DYNC2I1: variants seen among roughly 807,000 people sequenced by gnomAD.
The protein encoded by DYNC2I1 is dynein 2 intermediate chain 1.
DYNC2I1 carries 89 observed loss-of-function variants against 133.4 expected under a neutral mutation model. The ratio of observed to expected loss-of-function variants is 0.67; its 90% confidence interval spans 0.56 to 0.80. The LOEUF is 0.80. DYNC2I1 is among the 30% of genes least tolerant of loss of function. The pLI, the probability that DYNC2I1 is intolerant of heterozygous loss-of-function variation, is 0.00. For synonymous variants in DYNC2I1, 504 were observed against 484.3 expected (o/e 1.04, Z -0.54); for missense variants, 1,291 against 1,314.5 (o/e 0.98, Z 0.28).
intron 10 of DYNC2I1, chr7:158,905,411 G>A: frequency 4.4e-6 from 1 of 229,182 alleles, no homozygotes; most frequent in Non-Finnish European, 8.7e-6. Context: ...AGAGGGCTGG[G>A]ATTACAGGCA....
chr7:158,877,253 C>T (rs182476205), intron 4 of DYNC2I1, among the ~76,000 whole-genome samples: 10 of 150,614 alleles, frequency 6.6e-5, no homozygotes, highest in Admixed American at 1.3e-4. Context: ...TGGTGTTCCG[C>T]GGCGCGGGTG....
intron 24 of DYNC2I1, among the ~76,000 whole-genome samples, chr7:158,943,241 A>T (rs913667346): frequency 6.6e-6 from 1 of 152,234 alleles, no homozygotes; most frequent in East Asian, 1.9e-4. Context: ...TGTGATTTGC[A>T]GATAACCACA....
intron 1 of DYNC2I1, among the ~76,000 whole-genome samples, chr7:158,859,829 G>A (rs1841714527): frequency 1.3e-5 from 2 of 152,112 alleles, no homozygotes; most frequent in Non-Finnish European, 2.9e-5. Context: ...AGATCTCAGA[G>A]CTGGATATTT....
At chr7:158,881,766 C>T (rs754909910) in intron 5 of DYNC2I1, among the ~76,000 whole-genome samples, 1 of 152,032 alleles carries the variant, frequency 6.6e-6, no homozygotes, top group African/African-American at 2.4e-5. Flanking sequence ...TTTTTTGTTT[C>T]TAAATCTCTT....
intron 14 of DYNC2I1, among the ~76,000 whole-genome samples, chr7:158,915,423 C>G (rs1477900779): frequency 1.7e-4 from 18 of 108,506 alleles, no homozygotes; most frequent in South Asian, 2.6e-4. Context: ...TGTGAAACGT[C>G]GACACGCTGG....
At chr7:158,919,002 T>C (rs926423200) in intron 15 of DYNC2I1, 133 bp downstream of exon 15, 5 of 1,072,632 alleles carry the variant, frequency 4.7e-6, no homozygotes, top group Non-Finnish European at 6.3e-6. Context: ...AGACTGAGTT[T>C]CTGCAGAATT....
chr7:158,906,568 T>C (rs1846838697), intron 11 of DYNC2I1, among the ~76,000 whole-genome samples: 1 of 152,128 alleles, frequency 6.6e-6, no homozygotes, highest in Non-Finnish European at 1.5e-5. Flanking sequence ...AAGTGATTCT[T>C]CTGTCTCAGT....
chr7:158,848,646 C>T, the DYNC2I1 span, among the ~76,000 whole-genome samples: 63,630 of 151,606 alleles, frequency 0.42, 14,051 homozygotes, highest in East Asian at 0.65. Flanking sequence ...TGGACCAGGC[C>T]GGGCGCGGTG....
intron 14 of DYNC2I1, 45 bp from the exon 15 acceptor site, chr7:158,918,695 C>G (rs953081981): frequency 1.7e-5 from 27 of 1,594,558 alleles, no homozygotes; most frequent in Non-Finnish European, 2.3e-5. Flanking sequence ...AAAAGATAAT[C>G]CATTGTGAAG....
chr7:158,891,668 G>A (rs1226167471), intron 8 of DYNC2I1, among the ~76,000 whole-genome samples: 1 of 152,196 alleles, frequency 6.6e-6, no homozygotes, highest in Non-Finnish European at 1.5e-5. Context: ...TGAATGAACA[G>A]ACAGCCTTCC....
chr7:158,949,696 G>C (rs966200014), downstream of DYNC2I1, among the ~76,000 whole-genome samples: 3 of 152,362 alleles, frequency 2.0e-5, no homozygotes, highest in Middle Eastern at 3.4e-3. Flanking sequence ...CATGGGAGGA[G>C]CATCAAAGGC....
At chr7:158,898,870 G>GTT (rs558644591) in intron 8 of DYNC2I1, among the ~76,000 whole-genome samples, 5 of 139,666 alleles carry the variant, frequency 3.6e-5, no homozygotes, top group African/African-American at 1.3e-4. Flanking sequence ...GTTAAAGGTT[G>GTT]TTTTTTTTTT....
chr7:158,876,407 C>T (rs1417656128), intron 3 of DYNC2I1, among the ~76,000 whole-genome samples: 2 of 152,156 alleles, frequency 1.3e-5, no homozygotes, highest in Non-Finnish European at 2.9e-5. Context: ...CTTAGATTGC[C>T]ATGTTCATCT....
At chr7:158,922,902 C>T (rs1295649838) in intron 16 of DYNC2I1, among the ~76,000 whole-genome samples, 2 of 152,050 alleles carry the variant, frequency 1.3e-5, no homozygotes, top group Non-Finnish European at 2.9e-5. Context: ...CTGTTTTGGT[C>T]CTGAGTGTTT....
At chr7:158,939,206 G>C (rs1454395122) in intron 23 of DYNC2I1, among the ~76,000 whole-genome samples, 3 of 152,094 alleles carry the variant, frequency 2.0e-5, no homozygotes, top group Admixed American at 6.6e-5. Context: ...GAGGTGGGAA[G>C]ATTGCTTGAG....
intron 4 of DYNC2I1, among the ~76,000 whole-genome samples, chr7:158,954,431 G>A (rs1233910453): frequency 6.6e-6 from 1 of 152,188 alleles, no homozygotes; most frequent in Non-Finnish European, 1.5e-5. Flanking sequence ...GATCACTTGA[G>A]TCTAGGAGCT....
At chr7:158,922,344 G>T (rs201168690) in intron 15 of DYNC2I1, 33 bp from the exon 16 acceptor site, 11 of 1,595,934 alleles carry the variant, frequency 6.9e-6, no homozygotes, top group Non-Finnish European at 7.7e-6. Context: ...CTGGCAGGTC[G>T]TTGAAATGTG....
At chr7:158,911,992 T>G (rs1290421233) in intron 12 of DYNC2I1, among the ~76,000 whole-genome samples, 1 of 152,172 alleles carries the variant, frequency 6.6e-6, no homozygotes, top group Non-Finnish European at 1.5e-5. Context: ...ATTTATTTAT[T>G]TAGAGACAGT....
chr7:158,932,281 GC>G (rs1266253012), intron 21 of DYNC2I1, among the ~76,000 whole-genome samples: 1 of 152,192 alleles, frequency 6.6e-6, no homozygotes, highest in East Asian at 1.9e-4. Context: ...GATGGGGGCA[GC>G]TTGGGGGATG....
Sources: allele counts gnomAD v4.1 joint callset (sites outside exome capture counted in the v4.1 genomes callset), GRCh38; gene constraint gnomAD v4.1.1; transcripts MANE v1.5; gene names NCBI Gene and HGNC (gene_info 2026-07-23, HGNC 2026-07-21).